The following NPAS3 variants were observed in gnomAD, a reference collection of about 807,000 sequenced individuals.
NPAS3 encodes neuronal PAS domain protein 3.
In NPAS3, 14 loss-of-function variants were observed where a neutral mutation model predicts 73.1. The observed-to-expected ratio is 0.19, with a 90% CI of 0.13 to 0.30. NPAS3 has a LOEUF of 0.30. Among genes scored for constraint, NPAS3 ranks in the 10% least tolerant of loss-of-function variants. The probability of loss-of-function intolerance (pLI) is 1.00; values close to 1 mark genes in which losing one functional copy is unlikely to be tolerated. For missense variants in NPAS3, 1,096 were observed against 1,250.0 expected (o/e 0.88, Z 1.86); for synonymous variants, 620 against 541.5 (o/e 1.14, Z -2.01).
intron 4 of NPAS3, among the ~76,000 whole-genome samples, chr14:33,399,126 C>T (rs913739302): frequency 3.9e-5 from 6 of 152,006 alleles, no homozygotes; most frequent in South Asian, 2.1e-4. Flanking sequence ...TGAAGAAAAT[C>T]GTACATTTTA....
At chr14:33,616,875 ATCT>A (rs1016673714) in intron 5 of NPAS3, among the ~76,000 whole-genome samples, 2 of 152,178 alleles carry the variant, frequency 1.3e-5, no homozygotes, top group Non-Finnish European at 2.9e-5. Context: ...TCCTGTGCAA[ATCT>A]TCTGTCAAGT....
At position 33,095,658 on chromosome 14, in the gene NPAS3, TTTTA is replaced by T. The variant is rs1468493532; in HGVS notation, c.140+39668_140+39671del. On this transcript the variant is annotated intron_variant, in intron 2 of 11. Coordinates refer to ENST00000356141, the Ensembl canonical transcript of NPAS3. ...ACACAAAGGCGTGGGCATTCTCTGCTTTTATTTTTTTATTTTTTTTTTTTTTTTG... is the reference window on the plus strand; with the variant it reads ...ACACAAAGGCGTGGGCATTCTCTGCTTTTTTTTATTTTTTTTTTTTTTTTG... 1.4e-4 allele frequency among the ~76,000 whole-genome samples: 6 copies of T among 42,554 alleles called. 1 individual carries two copies. The highest frequency in any genetic ancestry group is 3.0e-4 in the Admixed American group (1 of 3,306). The allele number at this position is 42,554 out of a possible 152,430, so 27.9% of individuals were successfully genotyped here.
intron 5 of NPAS3, among the ~76,000 whole-genome samples, chr14:33,573,529 A>C (rs186790921): frequency 2.1e-5 from 3 of 145,410 alleles, no homozygotes; most frequent in Non-Finnish European, 4.4e-5. Flanking sequence ...AAGAAAAAGT[A>C]ACGCTTTTGG....
intron 4 of NPAS3, among the ~76,000 whole-genome samples, chr14:33,511,141 TG>T (rs1283274922): frequency 6.6e-6 from 1 of 152,074 alleles, no homozygotes; most frequent in Non-Finnish European, 1.5e-5. Flanking sequence ...TGCCTTGTGT[TG>T]GGGGAAATCC....
chr14:33,800,403 G>C lies in NPAS3; in HGVS notation c.2096G>C (p.Gly699Ala), dbSNP rs1341764186. Reference sequence around the variant, plus strand: ...TTCCCGTCCCCGCAGGGCGGCGGCGGTGGGGGTGGCGGTGGCGGGGGGCTG... The same window carrying C: ...TTCCCGTCCCCGCAGGGCGGCGGCGCTGGGGGTGGCGGTGGCGGGGGGCTG... Residue 699 changes from glycine (G) to alanine (A), a missense_variant, in exon 12 of 12, where the codon GGT becomes GCT. Coordinates refer to ENST00000356141, the Ensembl canonical transcript of NPAS3. The surrounding 1 kb of genome is among the most constrained non-coding windows in gnomAD (Gnocchi z 6.5). 1.2e-6 allele frequency: 2 copies of C among 1,602,948 alleles called. No homozygotes were observed. The highest frequency in any genetic ancestry group is 3.4e-5 in the Admixed American group (2 of 58,424).
intron 4 of NPAS3, among the ~76,000 whole-genome samples, chr14:33,458,460 A>G (rs982534631): frequency 5.9e-5 from 9 of 152,222 alleles, no homozygotes; most frequent in Non-Finnish European, 1.2e-4. Flanking sequence ...TGGGGCGAAA[A>G]AAGAAATACC....
At chr14:33,272,059 T>C (rs1417134176) in intron 3 of NPAS3, among the ~76,000 whole-genome samples, 1 of 152,214 alleles carries the variant, frequency 6.6e-6, no homozygotes, top group African/African-American at 2.4e-5. Context: ...CTTCAAGTGC[T>C]CATCAAATTC....
intron 5 of NPAS3, chr14:33,585,857 T>C (rs528246966): frequency 6.6e-6 from 1 of 152,310 alleles, no homozygotes; most frequent in African/African-American, 2.4e-5. Context: ...GACATTATGT[T>C]CAGTAGCTTA....
At chr14:33,057,180 T>A (rs2040920035) in intron 2 of NPAS3, among the ~76,000 whole-genome samples, 1 of 152,248 alleles carries the variant, frequency 6.6e-6, no homozygotes, top group African/African-American at 2.4e-5. Flanking sequence ...TAGGTGACTG[T>A]ATCACTGTAT....
At chr14:33,309,149 A>G (rs1395025613) in intron 3 of NPAS3, among the ~76,000 whole-genome samples, 1 of 152,204 alleles carries the variant, frequency 6.6e-6, no homozygotes, top group Non-Finnish European at 1.5e-5. Flanking sequence ...AGAAATCATC[A>G]AACAATAGTT....
At chr14:32,938,467 G>GAGAGAGAGAGAAATTGAC (rs1566779135), upstream of NPAS3, among the ~76,000 whole-genome samples, 1 of 123,908 alleles carries the variant, frequency 8.1e-6, no homozygotes, top group Admixed American at 8.0e-5. Flanking sequence ...AAGAGAGAGA[G>GAGAGAGAGAGAAATTGAC]AGAGAGAGAG....
At chr14:33,087,178 T>A (rs1018931902) in intron 2 of NPAS3, among the ~76,000 whole-genome samples, 1 of 143,608 alleles carries the variant, frequency 7.0e-6, no homozygotes, top group Non-Finnish European at 1.5e-5. Flanking sequence ...TAATATATAG[T>A]ATACAATATA....
chr14:33,804,121 A>AT (rs1491240904), downstream of NPAS3: 1 of 151,968 alleles, frequency 6.6e-6, no homozygotes, highest in Admixed American at 6.6e-5. Flanking sequence ...ATGTAACTTA[A>AT]TTTTTTCATC....
At chr14:33,410,647 T>C (rs2047881695) in intron 4 of NPAS3, among the ~76,000 whole-genome samples, 1 of 152,182 alleles carries the variant, frequency 6.6e-6, no homozygotes, top group South Asian at 2.1e-4. Context: ...GAATAGTTGG[T>C]ACTTTTTGTT....
chr14:33,394,262 G>T (rs889424380), intron 4 of NPAS3, among the ~76,000 whole-genome samples: 3 of 152,120 alleles, frequency 2.0e-5, no homozygotes, highest in Admixed American at 2.0e-4. Flanking sequence ...AATTCTGGCT[G>T]CTGTGAACTC....
intron 1 of NPAS3, among the ~76,000 whole-genome samples, chr14:32,975,357 A>C (rs892506318): frequency 8.0e-6 from 1 of 124,764 alleles, no homozygotes; most frequent in Non-Finnish European, 1.7e-5. Flanking sequence ...GTCTCACTCT[A>C]TTGCCCAGGC....
At chr14:33,587,301 T>C (rs186392385) in intron 5 of NPAS3, among the ~76,000 whole-genome samples, 1 of 151,078 alleles carries the variant, frequency 6.6e-6, no homozygotes, top group African/African-American at 2.4e-5. Flanking sequence ...ACTTTACCCA[T>C]GACAAAAAAA....
chr14:33,694,547 A>C lies in NPAS3; in HGVS notation c.733+18162A>C, dbSNP rs373412968. ...TGGGGAAGTTTATAAAATGTATAGA[A>C]TGTCAAAGATCTGCTGTAACTTATT... On this transcript the variant is annotated intron_variant, in intron 6 of 11. Transcript: ENST00000356141. Among the ~76,000 whole-genome samples the C allele has an allele frequency of 5.9e-5, 9 of 152,272 alleles. No homozygotes were observed. The East Asian group carries it at 1.7e-3, about 29-fold the overall frequency.
At chr14:33,232,983 AC>A (rs2047907197) in intron 3 of NPAS3, among the ~76,000 whole-genome samples, 1 of 152,156 alleles carries the variant, frequency 6.6e-6, no homozygotes, top group African/African-American at 2.4e-5. Flanking sequence ...CATATGTATA[AC>A]AAACCTTACA....
Sources: gnomAD v4.1 joint callset for allele counts (sites outside exome capture counted in the v4.1 genomes callset) on GRCh38, gnomAD v4.1.1 for gene constraint, Gnocchi (gnomAD v3.1) non-coding constraint, MANE v1.5 for transcripts, NCBI Gene and HGNC (gene_info 2026-07-23, HGNC 2026-07-21) for gene names.